Variants in STXBP5 observed in about 807,000 individuals in gnomAD.
STXBP5 encodes the protein syntaxin-binding protein 5.
In STXBP5, 50 loss-of-function variants were observed where a neutral mutation model predicts 152.4. That is an observed-to-expected ratio of 0.33 (90% CI 0.26 to 0.42). STXBP5 has a LOEUF of 0.42. Ranked by LOEUF, STXBP5 falls within the 10% of genes least tolerant of loss-of-function variation. STXBP5 has a pLI of 1.00. For missense variants in STXBP5, 1,167 were observed against 1,388.6 expected, an observed-to-expected ratio of 0.84 and a Z score of 2.54; for synonymous variants, 492 against 494.7, an observed-to-expected ratio of 0.99 and a Z score of 0.07.
At chr6:147,374,165 A>G (rs1169785227) in intron 26 of STXBP5, among the ~76,000 whole-genome samples, 1 of 152,216 alleles carries the variant, frequency 6.6e-6, no homozygotes, top group Non-Finnish European at 1.5e-5. Flanking sequence ...CTTAACTTTG[A>G]AAAAGTTTTT....
chr6:147,205,292 A>G (rs1776483272), intron 1 of STXBP5, among the ~76,000 whole-genome samples: 2 of 152,038 alleles, frequency 1.3e-5, no homozygotes. Context: ...AATGAGAAAC[A>G]CAAACTTGCC....
rs564730352 is a variant in STXBP5, at chr6:147,357,550, T to C, written c.2306-1534T>C. 7.4e-4 allele frequency among the ~76,000 whole-genome samples: 113 copies of C among 152,264 alleles called. 2 individuals are homozygous for C. The highest frequency in any genetic ancestry group is 2.7e-3 in the African/African-American group (111 of 41,578). ...GCCACAGAATTATAACTATGCCTTA[T>C]AAAATTTAATTATGTTGTGTTAGTA... On this transcript the variant is annotated intron_variant, in intron 22 of 27. Coordinates refer to ENST00000321680, the MANE Select transcript of STXBP5 (RefSeq NM_001127715.4).
chr6:147,379,780 C>T (rs549389535), intron 26 of STXBP5, among the ~76,000 whole-genome samples: 1 of 151,768 alleles, frequency 6.6e-6, no homozygotes, highest in African/African-American at 2.4e-5. Context: ...AGCTAATAAA[C>T]AGTTTTAGCA....
At chr6:147,206,418 C>T (rs981879123) in intron 2 of STXBP5, among the ~76,000 whole-genome samples, 2 of 152,080 alleles carry the variant, frequency 1.3e-5, no homozygotes, top group African/African-American at 4.8e-5. Flanking sequence ...GGTTTAAAGA[C>T]AATTACTTTT....
intron 1 of STXBP5, among the ~76,000 whole-genome samples, chr6:147,205,062 GTTGT>G (rs1257650548): frequency 1.3e-5 from 2 of 152,184 alleles, no homozygotes; most frequent in Admixed American, 6.5e-5. Context: ...TCTAATGAAT[GTTGT>G]TTATCAAAAA....
chr6:147,284,100 TA>T (rs761603935), intron 8 of STXBP5, among the ~76,000 whole-genome samples: 2 of 152,206 alleles, frequency 1.3e-5, no homozygotes, highest in Non-Finnish European at 2.9e-5. Context: ...AAAATTGAGA[TA>T]TTTTATTCTT....
intron 9 of STXBP5, among the ~76,000 whole-genome samples, chr6:147,293,889 G>T (rs1254795688): frequency 3.3e-5 from 5 of 152,178 alleles, no homozygotes; most frequent in Admixed American, 6.5e-5. Context: ...ATGTGAAGAA[G>T]AAGATAGGCA....
chr6:147,340,726 G>A (rs7769576), intron 21 of STXBP5, among the ~76,000 whole-genome samples: 64,562 of 151,658 alleles, frequency 0.43, 14,673 homozygotes, highest in Non-Finnish European at 0.51. Flanking sequence ...TTTGTGCTGG[G>A]GTTCTATTTA....
chr6:147,253,964 C>CA (rs2115300014), intron 4 of STXBP5, among the ~76,000 whole-genome samples: 1 of 152,072 alleles, frequency 6.6e-6, no homozygotes, highest in South Asian at 2.1e-4. Flanking sequence ...TATGTGGAAC[C>CA]AAAAAGCCCG....
chr6:147,384,553 T>C (rs1786247220), intron 27 of STXBP5, among the ~76,000 whole-genome samples, 161 bp from the exon 28 acceptor site: 1 of 152,162 alleles, frequency 6.6e-6, no homozygotes, highest in African/African-American at 2.4e-5. Flanking sequence ...TTCCTCCAAA[T>C]AGAATAGTTC....
intron 22 of STXBP5, among the ~76,000 whole-genome samples, chr6:147,354,377 C>T (rs1253408324): frequency 6.6e-6 from 1 of 151,566 alleles, no homozygotes; most frequent in Non-Finnish European, 1.5e-5. Context: ...TTAGTAGAAC[C>T]CTATAATATC....
At chr6:147,353,206 A>C in intron 21 of STXBP5, 117 bp from the exon 22 acceptor site, 1 of 605,988 alleles carries the variant, frequency 1.7e-6, no homozygotes, top group East Asian at 3.2e-5. Context: ...CTCATCTTTT[A>C]TTTATCTCGG....
intron 9 of STXBP5, among the ~76,000 whole-genome samples, chr6:147,294,577 C>T (rs770327111): frequency 6.6e-6 from 1 of 151,842 alleles, no homozygotes; most frequent in African/African-American, 2.4e-5. Flanking sequence ...CAAGGTTGAC[C>T]AAATTTTATA....
chr6:147,212,156 A>T (rs1273483983), intron 2 of STXBP5, among the ~76,000 whole-genome samples: 2 of 152,206 alleles, frequency 1.3e-5, no homozygotes, highest in Non-Finnish European at 2.9e-5. Flanking sequence ...CCAGAAATGG[A>T]ATCTGCTTGG....
Position 147,243,141 on chromosome 6 carries a change from C to A in STXBP5, c.431+3871C>A, listed in dbSNP as rs1778633616. On this transcript the variant is annotated intron_variant, in intron 4 of 27. Transcript: ENST00000321680. The stretch of plus-strand genomic sequence containing the variant: ...ATTGCTGGATCATATGCTAGACTAT[C>A]TTTGGCTTTGTGAAAACTGCCAAGC... Among the ~76,000 whole-genome samples the A allele has an allele frequency of 2.0e-5, 3 of 152,190 alleles. No homozygotes were observed. In the South Asian group the frequency reaches 6.2e-4, roughly 31 times the overall value.
At chr6:147,301,922 A>G (rs1297842097) in intron 9 of STXBP5, among the ~76,000 whole-genome samples, 1 of 152,146 alleles carries the variant, frequency 6.6e-6, no homozygotes, top group African/African-American at 2.4e-5. Context: ...TGTCTGGGGA[A>G]AGGTGACTAT....
In STXBP5 at chr6:147,213,477, T is replaced by TGTGTGTGTGTGTGTGTGTGCGC; in HGVS notation, c.248+7410_248+7411insTGTGTGTGTGTGTGTGTGCGCG. 1.7e-3 allele frequency among the ~76,000 whole-genome samples: 227 copies of TGTGTGTGTGTGTGTGTGTGCGC among 131,272 alleles called. 1 individual carries two copies. Among genetic ancestry groups the TGTGTGTGTGTGTGTGTGTGCGC allele is most frequent in the African/African-American group, 6.5e-3 (205 of 31,312 alleles). The allele number at this position is 131,272 out of a possible 152,430, so 86.1% of individuals were successfully genotyped here. On this transcript the variant is annotated intron_variant, in intron 2 of 27. Transcript: ENST00000321680. Reference sequence around the variant, plus strand: ...GTGTGTGTGTGTGTGTGTGTGTGTGTGCGCGCGCATATATATATTTTTTCT... The same window carrying TGTGTGTGTGTGTGTGTGTGCGC: ...GTGTGTGTGTGTGTGTGTGTGTGTGTGTGTGTGTGTGTGTGTGTGCGCGCGCGCGCATATATATATTTTTTCT...
In STXBP5 at chr6:147,297,389, T is replaced by C. The variant is rs79283154; in HGVS notation, c.917+6217T>C. Reference sequence around the variant, plus strand: ...AGAAATGAACGTGAAATAAACTCTTTCCCAGACAAGGAAAAGCTGAGATAA... The same window carrying C: ...AGAAATGAACGTGAAATAAACTCTTCCCCAGACAAGGAAAAGCTGAGATAA... On this transcript the variant is annotated intron_variant, in intron 9 of 27. Coordinates refer to ENST00000321680, the MANE Select transcript of STXBP5 (RefSeq NM_001127715.4). 7.2e-3 allele frequency among the ~76,000 whole-genome samples: 1,097 copies of C among 152,210 alleles called. 15 individuals are homozygous for C. The highest frequency in any genetic ancestry group is 0.025 in the African/African-American group (1,052 of 41,544).
chr6:147,297,418 A>C (rs1781581657), intron 9 of STXBP5, among the ~76,000 whole-genome samples: 1 of 152,210 alleles, frequency 6.6e-6, no homozygotes, highest in African/African-American at 2.4e-5. Flanking sequence ...GAGATAATTC[A>C]TCACCACTAG....
Sources: allele counts gnomAD v4.1 joint callset (sites outside exome capture counted in the v4.1 genomes callset), GRCh38; gene constraint gnomAD v4.1.1; transcripts MANE v1.5; gene names NCBI Gene and HGNC (gene_info 2026-07-23, HGNC 2026-07-21).